RNF150: variants seen among roughly 807,000 people sequenced by gnomAD.
RNF150 encodes the protein ring finger protein 150.
A neutral mutation model predicts 39.3 loss-of-function variants in RNF150; 24 were observed. The observed-to-expected ratio is 0.61, with a 90% CI of 0.44 to 0.86. The LOEUF is 0.86. Among genes scored for constraint, RNF150 ranks in the 40% least tolerant of loss-of-function variants. The pLI is 0.00. For missense variants in RNF150, 502 were observed against 587.8 expected (o/e 0.85, Z 1.51); for synonymous variants, 255 against 227.3 (o/e 1.12, Z -1.10).
intron 5 of RNF150, among the ~76,000 whole-genome samples, chr4:140,913,488 A>G: frequency 6.6e-6 from 1 of 152,064 alleles, no homozygotes; most frequent in Non-Finnish European, 1.5e-5. Context: ...CATTTGATCC[A>G]ATCACCCTCT....
chr4:140,865,173 T>C lies in RNF150; in HGVS notation c.*3088A>G, dbSNP rs1248648381. 6 of 152,214 alleles carry C rather than the reference T, an allele frequency of 3.9e-5. No homozygotes were observed. The highest frequency in any genetic ancestry group is 8.8e-5 in the Non-Finnish European group (6 of 68,034). The allele number at this position is 152,214 out of a possible 1,614,324, so 9.4% of individuals were successfully genotyped here. ...TTAGAAGACTTAGTACACAAAAGCA[T>C]GTAAAACATGTCATTAATTTACATT... is the stretch of plus-strand genomic sequence containing the variant. On this transcript the variant is annotated 3_prime_UTR_variant, in exon 7 of 7. Coordinates refer to ENST00000515673, the MANE Select transcript of RNF150 (RefSeq NM_020724.2).
chr4:141,074,072 T>G (rs1737806485), intron 1 of RNF150, among the ~76,000 whole-genome samples: 1 of 152,094 alleles, frequency 6.6e-6, no homozygotes, highest in Non-Finnish European at 1.5e-5. Context: ...AACCAATATA[T>G]ATGGACCATG....
chr4:140,961,291 G>A (rs767841747), intron 2 of RNF150, among the ~76,000 whole-genome samples: 3 of 152,152 alleles, frequency 2.0e-5, no homozygotes, highest in African/African-American at 4.8e-5. Context: ...CATGTGACAT[G>A]AAAGTGGCCA....
At chr4:140,925,345 T>A (rs1274980312) in intron 5 of RNF150, among the ~76,000 whole-genome samples, 1 of 152,178 alleles carries the variant, frequency 6.6e-6, no homozygotes, top group Non-Finnish European at 1.5e-5. Flanking sequence ...ATTCTCTTTG[T>A]ACAGGGGAGA....
intron 2 of RNF150, among the ~76,000 whole-genome samples, chr4:140,954,841 TA>T (rs529988990): frequency 2.6e-5 from 4 of 152,242 alleles, no homozygotes; most frequent in Admixed American, 6.5e-5. Flanking sequence ...GTGAAAGTGA[TA>T]AAAAAAATTT....
intron 1 of RNF150, among the ~76,000 whole-genome samples, chr4:141,185,828 A>G (rs556589294): frequency 6.6e-6 from 1 of 152,170 alleles, no homozygotes; most frequent in African/African-American, 2.4e-5. Flanking sequence ...GTGATGAATT[A>G]TGTTTATTGA....
At chr4:141,160,155 G>A (rs1727485840) in intron 1 of RNF150, among the ~76,000 whole-genome samples, 1 of 152,108 alleles carries the variant, frequency 6.6e-6, no homozygotes, top group Admixed American at 6.6e-5. Context: ...TCTGATGCAT[G>A]CTAAAACTTG....
At chr4:141,190,461 C>A (rs571029277) in intron 1 of RNF150, among the ~76,000 whole-genome samples, 6 of 152,262 alleles carry the variant, frequency 3.9e-5, no homozygotes, top group Admixed American at 3.9e-4. Flanking sequence ...CTGAGATCAA[C>A]CCTGGCCAAC....
intron 4 of RNF150, among the ~76,000 whole-genome samples, chr4:140,936,687 T>A (rs1467812181): frequency 6.6e-6 from 1 of 152,050 alleles, no homozygotes. Flanking sequence ...ATAAAAAGAT[T>A]CACCAAAAAC....
At chr4:140,919,928 C>T (rs1202684196) in intron 5 of RNF150, among the ~76,000 whole-genome samples, 3 of 152,056 alleles carry the variant, frequency 2.0e-5, no homozygotes, top group Non-Finnish European at 2.9e-5. Flanking sequence ...GAAAAACAAG[C>T]AAGGGGGAAA....
At chr4:141,119,310 G>A (rs1192953197) in intron 1 of RNF150, among the ~76,000 whole-genome samples, 1 of 152,088 alleles carries the variant, frequency 6.6e-6, no homozygotes, top group African/African-American at 2.4e-5. Flanking sequence ...TCATTCTTCT[G>A]GAATGAAGCA....
At chr4:141,193,352 T>C (rs1310096651) in intron 1 of RNF150, among the ~76,000 whole-genome samples, 2 of 152,252 alleles carry the variant, frequency 1.3e-5, no homozygotes, top group East Asian at 3.9e-4. Flanking sequence ...TCAGTCCTTT[T>C]GTGCCCAATC....
At chr4:141,099,280 G>C (rs1738917428) in intron 1 of RNF150, among the ~76,000 whole-genome samples, 2 of 152,108 alleles carry the variant, frequency 1.3e-5, no homozygotes, top group Non-Finnish European at 2.9e-5. Flanking sequence ...CACATCTAGA[G>C]CTTCAGGAAA....
chr4:141,132,181 C>G lies in RNF150; in HGVS notation c.484+144G>C. 1 of 834,106 alleles carries G rather than the reference C, an allele frequency of 1.2e-6. No homozygotes were observed. The highest frequency in any genetic ancestry group is 1.9e-6 in the Non-Finnish European group (1 of 537,532). The allele number at this position is 834,106 out of a possible 1,614,324, so 51.7% of individuals were successfully genotyped here. A position where few individuals can be genotyped will look rare whatever the true frequency, so the allele number is the denominator to read the frequency against. ...TGTAAACCCCCCAAGTGACGCGGAG[C>G]AAAACTTAATCGGTCCAGGGAACCC... On this transcript the variant is annotated intron_variant, in intron 1 of 6. Coordinates refer to ENST00000515673, the MANE Select transcript of RNF150 (RefSeq NM_020724.2). The surrounding 1 kb of genome is among the most constrained non-coding windows in gnomAD (Gnocchi z 4.9).
intron 1 of RNF150, among the ~76,000 whole-genome samples, chr4:141,121,076 A>AC (rs1291351414): frequency 6.6e-6 from 1 of 152,204 alleles, no homozygotes; most frequent in Non-Finnish European, 1.5e-5. Flanking sequence ...TTCATGTATT[A>AC]CATGCTCAGA....
intron 1 of RNF150, among the ~76,000 whole-genome samples, chr4:141,075,679 CT>C (rs1737868082): frequency 6.6e-6 from 1 of 152,114 alleles, no homozygotes. Flanking sequence ...TGAAATAGGA[CT>C]TAAATTTTTT....
rs1287030327 is a variant in RNF150, at chr4:140,904,432, A to T, written c.1198+6712T>A. Among the ~76,000 whole-genome samples the T allele has an allele frequency of 3.3e-5, 5 of 152,222 alleles. No homozygotes were observed. In the East Asian group the frequency reaches 9.6e-4, roughly 29 times the overall value. On this transcript the variant is annotated intron_variant, in intron 6 of 6. Coordinates refer to ENST00000515673, the MANE Select transcript of RNF150 (RefSeq NM_020724.2). Reference sequence around the variant, plus strand: ...GCTAATGTGAATCTTATAGGCACCAAGGGAGATCATTCTCCTGGTTGGTTC... The same window carrying T: ...GCTAATGTGAATCTTATAGGCACCATGGGAGATCATTCTCCTGGTTGGTTC...
chr4:140,947,821 G>GCT, intron 3 of RNF150, 85 bp from the exon 4 acceptor site: 1 of 887,148 alleles, frequency 1.1e-6, no homozygotes, highest in Non-Finnish European at 1.7e-6. Context: ...AGGAGAGCTT[G>GCT]CCTGGAGCAA....
rs1038826683 is a variant in RNF150, at chr4:141,130,785, A to G, written c.484+1540T>C. Among the ~76,000 whole-genome samples the G allele has an allele frequency of 5.9e-5, 9 of 152,240 alleles. No individual in the cohort carries two copies. In the East Asian group the frequency reaches 9.6e-4, roughly 16 times the overall value. Reference sequence around the variant, plus strand: ...ACATGTTTATCTAAAGATGCTTTACATGACTTACAGTGCTTTCCATAGTCC... The same window carrying G: ...ACATGTTTATCTAAAGATGCTTTACGTGACTTACAGTGCTTTCCATAGTCC... On this transcript the variant is annotated intron_variant, in intron 1 of 6. Transcript: ENST00000515673.
Sources: allele counts gnomAD v4.1 joint callset (sites outside exome capture counted in the v4.1 genomes callset), GRCh38; gene constraint gnomAD v4.1.1; non-coding constraint Gnocchi (gnomAD v3.1); transcripts MANE v1.5; gene names NCBI Gene and HGNC (gene_info 2026-07-23, HGNC 2026-07-21).